The following ERI1 variants were observed in gnomAD, a reference collection of about 807,000 sequenced individuals.
ERI1 encodes exoribonuclease 1, also known as 3'-5' exoribonuclease 1.
A neutral mutation model predicts 39.7 loss-of-function variants in ERI1; 39 were observed. The ratio of observed to expected loss-of-function variants is 0.98; its 90% CI spans 0.76 to 1.28. ERI1 has a LOEUF of 1.28. ERI1 is among the 50% of genes most tolerant of loss of function. The pLI, the probability that ERI1 is intolerant of heterozygous loss-of-function variation, is 0.00. For missense variants in ERI1, 581 were observed against 416.9 expected, an observed-to-expected ratio of 1.39 and a Z score of -3.43; for synonymous variants, 204 against 149.6, an observed-to-expected ratio of 1.36 and a Z score of -2.65.
At position 9,095,910 on chromosome 8, in the gene ERI1, G is replaced by C. The variant is rs180709222; in HGVS notation, n.300-20438G>C. On this transcript the variant is annotated intron_variant and non_coding_transcript_variant, in intron 3 of 3. Coordinates refer to the ERI1 transcript ENST00000518663. ...ACTTGGCCTTACTAGCCTCATTAAA[G>C]AAATGTTTCGGGAGCCCTCGCCGCC... Among the ~76,000 whole-genome samples, 807 of 152,302 alleles carry C rather than the reference G, an allele frequency of 5.3e-3. 2 individuals carry two copies. The highest frequency in any genetic ancestry group is 0.017 in the African/African-American group (721 of 41,564).
intron 2 of ERI1, among the ~76,000 whole-genome samples, chr8:9,008,535 G>C (rs1396206206): frequency 4.6e-5 from 7 of 152,026 alleles, no homozygotes; most frequent in Admixed American, 4.6e-4. Context: ...TTGAAATCAG[G>C]TACAATAAAT....
intron 6 of ERI1, among the ~76,000 whole-genome samples, chr8:9,026,696 T>C (rs1797188432): frequency 1.3e-5 from 2 of 152,142 alleles, no homozygotes; most frequent in Admixed American, 1.3e-4. Flanking sequence ...CAAAAGAAAT[T>C]CTCATTGGAG....
At chr8:9,041,396 C>G (rs909666476) in intron 3 of ERI1, among the ~76,000 whole-genome samples, 1 of 152,126 alleles carries the variant, frequency 6.6e-6, no homozygotes, top group Non-Finnish European at 1.5e-5. Context: ...CTCTTCTCAT[C>G]GGCACATGGA....
intron 3 of ERI1, among the ~76,000 whole-genome samples, chr8:9,084,278 C>G (rs373363166): frequency 3.5e-4 from 53 of 152,200 alleles, no homozygotes; most frequent in African/African-American, 1.2e-3. Flanking sequence ...CAAAGAATAC[C>G]GCCTCATCTA....
intron 3 of ERI1, among the ~76,000 whole-genome samples, chr8:9,097,071 C>T (rs962270975): frequency 6.6e-6 from 1 of 152,074 alleles, no homozygotes; most frequent in African/African-American, 2.4e-5. Context: ...TTCTAGCTCT[C>T]CCGCTTCCTC....
At chr8:9,090,467 A>G (rs574014740) in intron 3 of ERI1, among the ~76,000 whole-genome samples, 11 of 152,368 alleles carry the variant, frequency 7.2e-5, no homozygotes, top group Admixed American at 7.2e-4. Flanking sequence ...CTTATTGATT[A>G]TGGTAAAATA....
intron 3 of ERI1, among the ~76,000 whole-genome samples, chr8:9,067,569 C>T (rs1312719859): frequency 6.6e-6 from 1 of 151,380 alleles, no homozygotes; most frequent in Non-Finnish European, 1.5e-5. Flanking sequence ...GTGAGAGGAT[C>T]GCTTGCACCC....
chr8:9,034,636 C>G (rs997019719), downstream of ERI1, among the ~76,000 whole-genome samples: 43 of 152,002 alleles, frequency 2.8e-4, no homozygotes, highest in African/African-American at 1.0e-3. Flanking sequence ...CGCTCCCTCT[C>G]CAGACCTACC....
intron 3 of ERI1, among the ~76,000 whole-genome samples, chr8:9,085,770 C>G (rs1799505143): frequency 6.6e-6 from 1 of 151,960 alleles, no homozygotes; most frequent in African/African-American, 2.4e-5. Flanking sequence ...ATATGTGACG[C>G]TAATTTATAA....
In ERI1 at chr8:9,029,895, G is replaced by T; in HGVS notation, c.911G>T (p.Arg304Leu). 1 of 1,614,132 alleles carries T rather than the reference G, an allele frequency of 6.2e-7. No individual in the cohort carries two copies. Among genetic ancestry groups the T allele is most frequent in the Non-Finnish European group, 8.5e-7 (1 of 1,180,030 alleles). The part of the protein sequence containing the change: ...CGLDDSKNIA[R>L]IAVRMLQDGC... ...CTTGATGACTCTAAGAATATCGCCC[G>T]AATAGCAGTTCGAATGCTTCAGGAT... Residue 304 changes from arginine (R) to leucine (L), a missense_variant, in exon 7 of 7, where the codon CGA becomes CTA. Transcript: ENST00000250263.
chr8:9,040,201 G>C (rs1439692014), intron 3 of ERI1, among the ~76,000 whole-genome samples: 3 of 152,138 alleles, frequency 2.0e-5, no homozygotes, highest in Non-Finnish European at 4.4e-5. Flanking sequence ...AGGAGTCTTG[G>C]AGAGGGAAGT....
intron 2 of ERI1, chr8:9,009,215 A>T (rs776795209): frequency 2.7e-6 from 1 of 369,084 alleles, no homozygotes; most frequent in Non-Finnish European, 5.3e-6. Context: ...ATAAAGGTAA[A>T]TACAGATATG....
chr8:9,005,388 A>G (rs1380687366), intron 1 of ERI1, among the ~76,000 whole-genome samples: 1 of 151,806 alleles, frequency 6.6e-6, no homozygotes, highest in African/African-American at 2.4e-5. Context: ...TGTTCCTTTA[A>G]AAAAATGCTA....
chr8:9,065,883 T>C (rs1798858523), intron 3 of ERI1, among the ~76,000 whole-genome samples: 2 of 152,138 alleles, frequency 1.3e-5, no homozygotes, highest in African/African-American at 4.8e-5. Context: ...GGGTGGGTGG[T>C]GGAGAGTGTG....
chr8:9,056,016 G>T (rs554882308), intron 3 of ERI1, among the ~76,000 whole-genome samples: 2 of 152,134 alleles, frequency 1.3e-5, no homozygotes, highest in East Asian at 3.8e-4. Context: ...CTTCACTTTG[G>T]GGCATCACTT....
chr8:9,083,873 A>T (rs1263849797), intron 3 of ERI1, among the ~76,000 whole-genome samples: 16 of 151,882 alleles, frequency 1.1e-4, no homozygotes, highest in Non-Finnish European at 1.5e-5. Flanking sequence ...GGCTCACTGC[A>T]AACTCCGCCT....
chr8:9,059,921 A>G (rs1014333305), intron 3 of ERI1, among the ~76,000 whole-genome samples: 1 of 152,192 alleles, frequency 6.6e-6, no homozygotes, highest in African/African-American at 2.4e-5. Flanking sequence ...GGTGTCTGGA[A>G]TGAGACTGGG....
chr8:9,015,905 G>C (rs1817219767), intron 3 of ERI1, among the ~76,000 whole-genome samples: 1 of 152,076 alleles, frequency 6.6e-6, no homozygotes. Context: ...GAGTAAATGA[G>C]AGAAAAATAG....
rs1018112349 is a variant in ERI1, at chr8:9,014,793, G to A, written c.499-1529G>A. 3.3e-5 allele frequency among the ~76,000 whole-genome samples: 5 copies of A among 152,034 alleles called. No homozygotes were observed. In the South Asian group the frequency reaches 6.2e-4, roughly 19 times the overall value. On this transcript the variant is annotated intron_variant, in intron 3 of 6. Transcript: ENST00000250263. The stretch of plus-strand genomic sequence containing the variant: ...TTAAGTGGAATGTTGCAGTGTATCC[G>A]GTAAGAGTGTCTAACTTTTGAAGTT...
Sources: allele counts gnomAD v4.1 joint callset (sites outside exome capture counted in the v4.1 genomes callset), GRCh38; gene constraint gnomAD v4.1.1; transcripts MANE v1.5; gene names NCBI Gene and HGNC (gene_info 2026-07-23, HGNC 2026-07-21).